Variants in STAG1 observed in about 807,000 individuals in gnomAD.
STAG1 encodes STAG1 cohesin complex component, also known as cohesin subunit SA-1.
A neutral mutation model predicts 170.9 loss-of-function variants in STAG1; 26 were observed. That is an observed-to-expected ratio of 0.15 (90% confidence interval 0.11 to 0.21). The LOEUF (loss-of-function observed/expected upper bound fraction) is 0.21, where lower values mean the gene tolerates loss of function less well. STAG1 is among the 10% of genes least tolerant of loss of function. STAG1 has a pLI of 1.00. For synonymous variants in STAG1, 514 were observed against 497.7 expected (o/e 1.03, Z -0.44); for missense variants, 964 against 1,509.5 (o/e 0.64, Z 5.99).
intron 1 of STAG1, among the ~76,000 whole-genome samples, chr3:136,701,541 G>C (rs1161265046): frequency 6.6e-6 from 1 of 152,086 alleles, no homozygotes; most frequent in African/African-American, 2.4e-5. Flanking sequence ...AAATAAGAAA[G>C]ATCTGAACTC....
intron 5 of STAG1, among the ~76,000 whole-genome samples, chr3:136,564,577 T>C (rs539115011): frequency 3.5e-4 from 53 of 152,348 alleles, no homozygotes; most frequent in African/African-American, 1.2e-3. Context: ...ATTTTTATTA[T>C]ATTCTACTGA....
chr3:136,384,631 G>A (rs532384622), intron 22 of STAG1, among the ~76,000 whole-genome samples: 28 of 152,084 alleles, frequency 1.8e-4, no homozygotes, highest in South Asian at 6.2e-4. Flanking sequence ...TTAGCCAGAC[G>A]TGATGGCATA....
chr3:136,495,755 T>A (rs1933048131), intron 9 of STAG1, among the ~76,000 whole-genome samples: 1 of 149,040 alleles, frequency 6.7e-6, no homozygotes, highest in Non-Finnish European at 1.5e-5. Context: ...GCTCGTGAGG[T>A]CAAGAGATCA....
In STAG1 at chr3:136,473,531, A is replaced by G; in HGVS notation, c.1125+8T>C. 2 of 1,584,082 alleles carry G rather than the reference A, an allele frequency of 1.3e-6. No individual in the cohort carries two copies. Among genetic ancestry groups the G allele is most frequent in the Non-Finnish European group, 1.7e-6 (2 of 1,157,764 alleles). On this transcript the variant is annotated splice_region_variant and intron_variant, in intron 11 of 33. Transcript: ENST00000383202. The stretch of plus-strand genomic sequence containing the variant: ...AAATTAAATAAGCTTATCATTCTTG[A>G]TGCTTACCTTGAATCGGTTAGTGAA...
At chr3:136,431,687 T>C (rs897715098) in intron 16 of STAG1, among the ~76,000 whole-genome samples, 5 of 152,226 alleles carry the variant, frequency 3.3e-5, no homozygotes, top group Non-Finnish European at 7.3e-5. Flanking sequence ...GATAATCTTA[T>C]TAAATTTGTA....
chr3:136,573,001 C>A (rs944754248), intron 4 of STAG1, among the ~76,000 whole-genome samples: 1 of 152,092 alleles, frequency 6.6e-6, no homozygotes, highest in South Asian at 2.1e-4. Flanking sequence ...CACAGTGATA[C>A]CCTCACTCTA....
chr3:136,694,764 T>C (rs191541708), intron 1 of STAG1, among the ~76,000 whole-genome samples: 18 of 152,240 alleles, frequency 1.2e-4, no homozygotes, highest in Admixed American at 1.2e-3. Context: ...ACACAGGAAA[T>C]CTGGGGAACC....
intron 1 of STAG1, among the ~76,000 whole-genome samples, chr3:136,693,128 T>C (rs1027096968): frequency 1.3e-5 from 2 of 152,212 alleles, no homozygotes; most frequent in Non-Finnish European, 2.9e-5. Context: ...TTAAGTCTTG[T>C]CCCAATAAAT....
In STAG1 at chr3:136,685,080, C is replaced by T. The variant is rs552754521; in HGVS notation, c.-83-54099G>A. On this transcript the variant is annotated intron_variant, in intron 1 of 33. Coordinates refer to ENST00000383202, the MANE Select transcript of STAG1 (RefSeq NM_005862.3). ...CTGTAATCCCAGCACTTTGGGAAGCCAAGGCAGGTGGATCACCTGAGGTGA... is the reference window on the plus strand; with the variant it reads ...CTGTAATCCCAGCACTTTGGGAAGCTAAGGCAGGTGGATCACCTGAGGTGA... Among the ~76,000 whole-genome samples the T allele has an allele frequency of 5.5e-4, 84 of 152,068 alleles. No individual in the cohort carries two copies. The Middle Eastern group carries it at 0.01, about 18-fold the overall frequency.
In STAG1 at chr3:136,711,044, C is replaced by A. The variant is rs999526958; in HGVS notation, c.-84+41151G>T. On this transcript the variant is annotated intron_variant, in intron 1 of 33. Coordinates refer to ENST00000383202, the MANE Select transcript of STAG1 (RefSeq NM_005862.3). ...TAAAGTATGACAATTTCTGAAATCCCACTTACAAAAAGAAAAATATATATA... is the reference window on the plus strand; with the variant it reads ...TAAAGTATGACAATTTCTGAAATCCAACTTACAAAAAGAAAAATATATATA... 1.6e-4 allele frequency among the ~76,000 whole-genome samples: 24 copies of A among 151,248 alleles called. No individual in the cohort carries two copies. The East Asian group carries it at 4.6e-3, about 29-fold the overall frequency.
At chr3:136,703,207 C>CT (rs1283277317) in intron 1 of STAG1, among the ~76,000 whole-genome samples, 1 of 152,090 alleles carries the variant, frequency 6.6e-6, no homozygotes, top group African/African-American at 2.4e-5. Flanking sequence ...TTCCAGAACT[C>CT]TAAAAGTCTA....
chr3:136,450,987 G>A lies in STAG1; in HGVS notation c.1428+1046C>T, dbSNP rs540787057. 6.6e-5 allele frequency among the ~76,000 whole-genome samples: 10 copies of A among 152,128 alleles called. No homozygotes were observed. In the East Asian group the frequency reaches 1.4e-3, roughly 21 times the overall value. ...TGGTCTTAAACTCCTGGCCTGAAGT[G>A]ATCTGCCCACCTCGGCCTCCCAAAG... On this transcript the variant is annotated intron_variant, in intron 14 of 33. Coordinates refer to ENST00000383202, the MANE Select transcript of STAG1 (RefSeq NM_005862.3).
chr3:136,729,164 T>G (rs924544307), intron 1 of STAG1, among the ~76,000 whole-genome samples: 6 of 151,948 alleles, frequency 3.9e-5, no homozygotes, highest in Admixed American at 1.3e-4. Flanking sequence ...TGTGTGTGGT[T>G]TTTTTGTTTT....
At chr3:136,439,437 CACACAA>C (rs748753186) in intron 15 of STAG1, among the ~76,000 whole-genome samples, 11,596 of 110,594 alleles carry the variant, frequency 0.1, 680 homozygotes, top group Non-Finnish European at 0.13. Flanking sequence ...CACACACACA[CACACAA>C]ACACTGTAAG....
rs943342031 is a variant in STAG1 at position 136,590,261 on chromosome 3, G to C, written c.297+14048C>G. ...GCACTTTGGGAGGTTGAGGTGGGTG[G>C]ATCACGAGGTCAGGAGTTCGAGACC... On this transcript the variant is annotated intron_variant, in intron 4 of 33. Coordinates refer to ENST00000383202, the MANE Select transcript of STAG1 (RefSeq NM_005862.3). Among the ~76,000 whole-genome samples the C allele has an allele frequency of 2.6e-5, 4 of 152,130 alleles. No homozygotes were observed. The East Asian group carries it at 7.7e-4, about 29-fold the overall frequency.
intron 21 of STAG1, among the ~76,000 whole-genome samples, chr3:136,411,544 A>G (rs932847089): frequency 2.6e-5 from 4 of 152,228 alleles, no homozygotes; most frequent in Admixed American, 6.5e-5. Context: ...ACACAACTGC[A>G]ATCACTTTTA....
chr3:136,550,038 C>T (rs72971411), intron 5 of STAG1, among the ~76,000 whole-genome samples: 202 of 152,186 alleles, frequency 1.3e-3, no homozygotes, highest in African/African-American at 3.1e-3. Context: ...TTGTTTAGGA[C>T]TTTTTGCATA....
At chr3:136,374,331 A>T (rs1407959462) in intron 23 of STAG1, among the ~76,000 whole-genome samples, 1 of 146,744 alleles carries the variant, frequency 6.8e-6, no homozygotes, top group Admixed American at 6.9e-5. Context: ...AGAAAAAAAT[A>T]TTTTGGCCAG....
chr3:136,643,348 C>A (rs569758337), intron 1 of STAG1, among the ~76,000 whole-genome samples: 2 of 152,166 alleles, frequency 1.3e-5, no homozygotes, highest in South Asian at 4.1e-4. Context: ...TAGAATCAGA[C>A]AATAAAGAGA....
Sources: allele counts gnomAD v4.1 joint callset (sites outside exome capture counted in the v4.1 genomes callset), GRCh38; gene constraint gnomAD v4.1.1; transcripts MANE v1.5; gene names NCBI Gene and HGNC (gene_info 2026-07-23, HGNC 2026-07-21).